MYO3A: variants seen among roughly 807,000 people sequenced by gnomAD.
MYO3A encodes the protein myosin-IIIa.
MYO3A carries 180 observed loss-of-function variants against 192.7 expected under a neutral mutation model. The ratio of observed to expected loss-of-function variants is 0.93; its 90% CI spans 0.83 to 1.06. The LOEUF (loss-of-function observed/expected upper bound fraction) is 1.06. MYO3A is among the 50% of genes least tolerant of loss of function. The pLI is 0.00. For missense variants in MYO3A, 1,896 were observed against 1,905.0 expected (o/e 1.00, Z 0.09); for synonymous variants, 628 against 645.3 (o/e 0.97, Z 0.41).
chr10:26,131,596 C>G (rs1452989817), intron 20 of MYO3A, among the ~76,000 whole-genome samples: 1 of 152,096 alleles, frequency 6.6e-6, no homozygotes, highest in African/African-American at 2.4e-5. Context: ...CTTTGTATCC[C>G]TTTATTTTCC....
At chr10:26,126,343 A>C (rs1212123552) in intron 19 of MYO3A, among the ~76,000 whole-genome samples, 1 of 152,198 alleles carries the variant, frequency 6.6e-6, no homozygotes, top group African/African-American at 2.4e-5. Context: ...AGATCACCTC[A>C]TTCACACTTG....
intron 17 of MYO3A, among the ~76,000 whole-genome samples, chr10:26,112,944 G>A (rs558924889): frequency 1.2e-4 from 18 of 152,138 alleles, no homozygotes; most frequent in East Asian, 7.7e-4. Flanking sequence ...GGGAATTTTC[G>A]GGGGGTTTTT....
At position 26,166,191 on chromosome 10, in the gene MYO3A, T is replaced by C. The variant is rs753208546; in HGVS notation, c.3111+13T>C. Reference sequence around the variant, plus strand: ...TGGAAAAACAAAAGTAATGTTTTCATGTAATTTTCAGGAAAATAAATAATT... The same window carrying C: ...TGGAAAAACAAAAGTAATGTTTTCACGTAATTTTCAGGAAAATAAATAATT... On this transcript the variant is annotated intron_variant, in intron 27 of 34. Transcript: ENST00000642920. 5.1e-6 allele frequency: 8 copies of C among 1,578,472 alleles called. No homozygotes were observed. The African/African-American group carries it at 6.7e-5, about 13-fold the overall frequency.
chr10:26,081,141 C>T (rs1331922531), intron 14 of MYO3A, among the ~76,000 whole-genome samples: 3 of 103,148 alleles, frequency 2.9e-5, no homozygotes, highest in South Asian at 3.4e-4. Flanking sequence ...CTTCCCCCCC[C>T]CCCCGCCCCC....
intron 2 of MYO3A, among the ~76,000 whole-genome samples, chr10:25,949,285 A>G (rs1054136737): frequency 6.6e-6 from 1 of 152,136 alleles, no homozygotes; most frequent in Non-Finnish European, 1.5e-5. Flanking sequence ...TTGAAAAACT[A>G]ACAGTTAACT....
chr10:26,059,003 A>G (rs1158197387), intron 10 of MYO3A, among the ~76,000 whole-genome samples: 1 of 128,290 alleles, frequency 7.8e-6, no homozygotes, highest in Non-Finnish European at 1.8e-5. Flanking sequence ...TTTCTGGTAT[A>G]TAGGAAAGCA....
intron 15 of MYO3A, among the ~76,000 whole-genome samples, chr10:26,089,382 A>G (rs1836550639): frequency 6.6e-6 from 1 of 152,110 alleles, no homozygotes; most frequent in South Asian, 2.1e-4. Context: ...CGGGTGGATC[A>G]CGCGGTCAGG....
chr10:26,168,111 C>CCGGA (rs1841853745), intron 27 of MYO3A, among the ~76,000 whole-genome samples: 1 of 152,144 alleles, frequency 6.6e-6, no homozygotes, highest in Non-Finnish European at 1.5e-5. Flanking sequence ...GCCTTTGGGT[C>CCGGA]CAGTGAGAAC....
At chr10:26,005,669 T>C (rs546168712) in intron 6 of MYO3A, among the ~76,000 whole-genome samples, 1 of 152,060 alleles carries the variant, frequency 6.6e-6, no homozygotes, top group Non-Finnish European at 1.5e-5. Context: ...TTCTCTAAGG[T>C]TGAAATTATG....
chr10:26,174,081 T>C lies in MYO3A; in HGVS notation c.3817T>C (p.Trp1273Arg), dbSNP rs1400890589. The C allele has an allele frequency of 4.3e-6, 7 of 1,614,232 alleles. No individual in the cohort carries two copies. Among genetic ancestry groups the C allele is most frequent in the Non-Finnish European group, 5.9e-6 (7 of 1,180,040 alleles). The change falls in exon 30 of 35, where the codon TGG becomes CGG. Residue 1273 changes from tryptophan to arginine, a missense_variant. By Grantham distance (101) the Trp-to-Arg change is moderately radical. Transcript: ENST00000642920. ...AGAAAGGCCAAGCTACCCAGTGCCTTGGTTAGCTGAAAATGAGACTTCCTT... is the reference window on the plus strand; with the variant it reads ...AGAAAGGCCAAGCTACCCAGTGCCTCGGTTAGCTGAAAATGAGACTTCCTT... ...ISERPSYPVP[W>R]LAENETSFKK...
chr10:26,060,074 G>A (rs71492526), intron 10 of MYO3A, among the ~76,000 whole-genome samples: 71,073 of 150,852 alleles, frequency 0.47, 17,672 homozygotes, highest in Middle Eastern at 0.59. Flanking sequence ...CCTAACCAAC[G>A]TAGAGAAACT....
At chr10:25,993,121 G>T (rs1421118544) in intron 4 of MYO3A, among the ~76,000 whole-genome samples, 1 of 150,860 alleles carries the variant, frequency 6.6e-6, no homozygotes, top group African/African-American at 2.5e-5. Context: ...GAATTCGGCT[G>T]TGAATCCATT....
intron 34 of MYO3A, among the ~76,000 whole-genome samples, chr10:26,206,603 C>T (rs879308136): frequency 1.5e-4 from 22 of 151,570 alleles, no homozygotes; most frequent in Admixed American, 1.2e-3. Context: ...TGCCTGCCAC[C>T]ATACCCATCT....
chr10:26,021,966 G>C (rs1842331089), intron 8 of MYO3A: 1 of 321,102 alleles, frequency 3.1e-6, no homozygotes, highest in African/African-American at 2.1e-5. Flanking sequence ...AGAGTCCATA[G>C]CCTGTGCAAG....
At chr10:26,007,487 C>T (rs193129387) in intron 6 of MYO3A, among the ~76,000 whole-genome samples, 1,635 of 151,528 alleles carry the variant, frequency 0.011, 12 homozygotes, top group Non-Finnish European at 0.018. Flanking sequence ...AAAACCCCAT[C>T]GTCTCAGCTG....
intron 14 of MYO3A, among the ~76,000 whole-genome samples, chr10:26,080,856 C>G (rs905806516): frequency 5.3e-5 from 8 of 152,138 alleles, no homozygotes; most frequent in Non-Finnish European, 8.8e-5. Context: ...GTCTGCCCAG[C>G]TCTGGGCTGC....
At chr10:26,150,587 G>T (rs1840737374) in intron 23 of MYO3A, among the ~76,000 whole-genome samples, 1 of 152,100 alleles carries the variant, frequency 6.6e-6, no homozygotes, top group South Asian at 2.1e-4. Context: ...CATCTACATA[G>T]TCAAATTTAT....
chr10:26,083,228 T>G (rs1836084822), intron 14 of MYO3A, among the ~76,000 whole-genome samples: 1 of 152,312 alleles, frequency 6.6e-6, no homozygotes, highest in East Asian at 1.9e-4. Flanking sequence ...AGAGGGCTAC[T>G]AAGTTGGGTA....
rs890286555 is a variant in MYO3A, at chr10:26,054,642, G to C, written c.954-12333G>C. Among the ~76,000 whole-genome samples, 11 of 152,264 alleles carry C rather than the reference G, an allele frequency of 7.2e-5. No homozygotes were observed. The South Asian group carries it at 1.0e-3, about 14-fold the overall frequency. On this transcript the variant is annotated intron_variant, in intron 10 of 34. Coordinates refer to ENST00000642920, the MANE Select transcript of MYO3A (RefSeq NM_017433.5). ...GGGAAATTATCCGGGATTAGTGGCC[G>C]GGCCCTAAATATAATCATAAGAGTC...
Sources: allele counts gnomAD v4.1 joint callset (sites outside exome capture counted in the v4.1 genomes callset), GRCh38; gene constraint gnomAD v4.1.1; transcripts MANE v1.5; gene names NCBI Gene and HGNC (gene_info 2026-07-23, HGNC 2026-07-21).